KANSL1: variants seen among roughly 807,000 people sequenced by gnomAD.
KANSL1 encodes MLL1/MLL complex subunit KANSL1.
KANSL1 carries 22 observed loss-of-function variants against 103.6 expected under a neutral mutation model. The ratio of observed to expected loss-of-function variants is 0.21; its 90% CI spans 0.15 to 0.30. KANSL1 has a LOEUF of 0.30. Ranked by LOEUF, KANSL1 falls within the 10% of genes least tolerant of loss-of-function variation. KANSL1 has a pLI of 1.00. For missense variants in KANSL1, 1,337 were observed against 1,399.8 expected (o/e 0.96, Z 0.72); for synonymous variants, 600 against 527.6 (o/e 1.14, Z -1.88).
At chr17:46,105,947 A>ACACCCCCCC in intron 2 of KANSL1, among the ~76,000 whole-genome samples, 1 of 57,864 alleles carries the variant, frequency 1.7e-5, no homozygotes, top group African/African-American at 6.6e-5. Flanking sequence ...ACACACACAC[A>ACACCCCCCC]CCCCCCCAGA....
At chr17:46,071,471 A>G (rs535015073) in intron 4 of KANSL1, among the ~76,000 whole-genome samples, 1 of 152,302 alleles carries the variant, frequency 6.6e-6, no homozygotes, top group South Asian at 2.1e-4. Flanking sequence ...AAAAAGAAAA[A>G]CATAACACAC....
chr17:46,158,509 T>C (rs1404018011), intron 2 of KANSL1, among the ~76,000 whole-genome samples: 1 of 152,108 alleles, frequency 6.6e-6, no homozygotes, highest in Non-Finnish European at 1.5e-5. Flanking sequence ...ATTACGGGCA[T>C]GTGTCACCAT....
intron 1 of KANSL1, among the ~76,000 whole-genome samples, chr17:46,217,744 G>A (rs572750753): frequency 1.3e-5 from 2 of 152,240 alleles, no homozygotes; most frequent in East Asian, 1.9e-4. Flanking sequence ...CAAAATTTAG[G>A]CTGGGTGCTG....
chr17:46,172,112 G>A lies in KANSL1; in HGVS notation c.32C>T (p.Ala11Val). MAAMAPALTD[A>V]AAEAHHIRFK... ...CCGGATATGGTGTGCTTCAGCTGCT[G>A]CGTCAGTGAGAGCGGGCGCCATCGC... Residue 11 changes from alanine to valine, a missense_variant, in exon 2 of 15, where the codon GCA becomes GTA. Physicochemically the swap from Ala to Val is moderately conservative, Grantham distance 64. This residue lies in a region of KANSL1 where 557 missense variants were observed against 476.4 expected (regional missense o/e 1.17). Transcript: ENST00000432791. 1 of 1,609,842 alleles carries A rather than the reference G, an allele frequency of 6.2e-7. No homozygotes were observed. Among genetic ancestry groups the A allele is most frequent in the Non-Finnish European group, 8.5e-7 (1 of 1,180,032 alleles).
intron 4 of KANSL1, among the ~76,000 whole-genome samples, chr17:46,067,999 C>A (rs1224112278): frequency 6.6e-6 from 1 of 151,880 alleles, no homozygotes; most frequent in Non-Finnish European, 1.5e-5. Context: ...ATTATATTAG[C>A]TTTTGCTTTG....
intron 6 of KANSL1, among the ~76,000 whole-genome samples, chr17:46,064,219 T>C (rs1266750203): frequency 6.6e-6 from 1 of 152,132 alleles, no homozygotes; most frequent in East Asian, 1.9e-4. Flanking sequence ...CTACAATTCT[T>C]TTCTTTAAAG....
At chr17:46,075,600 G>T (rs1382374253) in intron 4 of KANSL1, among the ~76,000 whole-genome samples, 2 of 152,138 alleles carry the variant, frequency 1.3e-5, no homozygotes, top group East Asian at 3.8e-4. Context: ...GCCTCCCAAA[G>T]TGCTGGGATT....
chr17:46,046,840 T>TAAAAAAAAAA (rs36102082), intron 7 of KANSL1, among the ~76,000 whole-genome samples: 21 of 118,572 alleles, frequency 1.8e-4, no homozygotes, highest in Non-Finnish European at 3.2e-4. Context: ...GTCTCAAAAG[T>TAAAAAAAAAA]AAAAAAAAAA....
At chr17:46,054,693 C>T (rs2077853757) in intron 6 of KANSL1, among the ~76,000 whole-genome samples, 1 of 152,106 alleles carries the variant, frequency 6.6e-6, no homozygotes, top group Admixed American at 6.6e-5. Flanking sequence ...TGTTACTCTC[C>T]TAGCTGACAC....
intron 3 of KANSL1, chr17:46,088,309 A>G (rs1022970923): frequency 6.6e-6 from 1 of 152,336 alleles, no homozygotes; most frequent in Non-Finnish European, 1.5e-5. Context: ...TTCCCTATGC[A>G]TCTCAAGACA....
At chr17:46,213,022 C>T (rs970756864) in intron 1 of KANSL1, among the ~76,000 whole-genome samples, 12 of 152,170 alleles carry the variant, frequency 7.9e-5, no homozygotes, top group South Asian at 4.1e-4. Flanking sequence ...TTCTCTTGGC[C>T]GACAAACTTT....
intron 14 of KANSL1, 130 bp from the exon 15 acceptor site, chr17:46,031,833 G>A: frequency 2.9e-6 from 3 of 1,051,222 alleles, no homozygotes; most frequent in Non-Finnish European, 4.1e-6. Flanking sequence ...GACAGTCTGG[G>A]AACACCCCTC....
At chr17:46,191,200 T>C (rs1242208737) in intron 1 of KANSL1, among the ~76,000 whole-genome samples, 1 of 152,228 alleles carries the variant, frequency 6.6e-6, no homozygotes, top group Non-Finnish European at 1.5e-5. Context: ...AACATACTTC[T>C]AAAACTACAG....
chr17:46,050,971 T>G (rs371030041), intron 6 of KANSL1, among the ~76,000 whole-genome samples: 1 of 152,374 alleles, frequency 6.6e-6, no homozygotes, highest in African/African-American at 2.4e-5. Context: ...TCTAAGTGCT[T>G]ACCTAGGTAT....
intron 1 of KANSL1, among the ~76,000 whole-genome samples, chr17:46,174,478 C>T (rs969959729): frequency 3.3e-5 from 5 of 152,184 alleles, no homozygotes; most frequent in African/African-American, 9.7e-5. Flanking sequence ...CTGCCACATT[C>T]GGACTTTCTG....
chr17:46,213,562 C>A (rs2048239001), intron 1 of KANSL1, among the ~76,000 whole-genome samples: 1 of 149,714 alleles, frequency 6.7e-6, no homozygotes, highest in Non-Finnish European at 1.5e-5. Flanking sequence ...CCCGCCTCGG[C>A]CTCCCAAAGT....
At chr17:46,038,820 G>T in intron 9 of KANSL1, 134 bp from the exon 10 acceptor site, 2 of 1,264,006 alleles carry the variant, frequency 1.6e-6, no homozygotes, top group Non-Finnish European at 2.2e-6. Context: ...AAAAGGTGAA[G>T]CACACTAGCT....
chr17:46,148,772 G>T (rs530014214), intron 2 of KANSL1, among the ~76,000 whole-genome samples: 2 of 151,126 alleles, frequency 1.3e-5, no homozygotes, highest in South Asian at 4.2e-4. Context: ...TTTTAGTAGC[G>T]ACAGGGTTTA....
upstream of KANSL1, chr17:46,196,485 GT>G (rs2047614381): frequency 2.2e-6 from 1 of 454,940 alleles, no homozygotes; most frequent in South Asian, 1.6e-5. Context: ...TCCTCAGACA[GT>G]GACACCTCAA....
Sources: gnomAD v4.1 joint callset for allele counts (sites outside exome capture counted in the v4.1 genomes callset) on GRCh38, gnomAD v4.1.1 for gene constraint, gnomAD v4.1.1 regional missense constraint, MANE v1.5 for transcripts, NCBI Gene and HGNC (gene_info 2026-07-23, HGNC 2026-07-21) for gene names.